Variants in CD101 observed in about 807,000 individuals in gnomAD.
CD101 encodes CD101 molecule.
A neutral mutation model predicts 98.2 loss-of-function variants in CD101; 76 were observed. That is an observed-to-expected ratio of 0.77 (90% CI 0.64 to 0.94). CD101 has a LOEUF of 0.94. Ranked by LOEUF, CD101 falls within the 40% of genes least tolerant of loss-of-function variation. The probability of loss-of-function intolerance (pLI) is 0.00; values close to 1 mark genes in which losing one functional copy is unlikely to be tolerated. For synonymous variants in CD101, 471 were observed against 472.7 expected (o/e 1.00, Z 0.05); for missense variants, 1,145 against 1,218.8 (o/e 0.94, Z 0.90).
chr1:117,027,366 A>G (rs1362835785), intron 8 of CD101, among the ~76,000 whole-genome samples: 1 of 152,246 alleles, frequency 6.6e-6, no homozygotes, highest in Non-Finnish European at 1.5e-5. Flanking sequence ...CAAGTCCAAC[A>G]TAACAGGTGT....
intron 8 of CD101, among the ~76,000 whole-genome samples, chr1:117,027,461 G>T (rs1164119187): frequency 6.6e-6 from 1 of 152,164 alleles, no homozygotes; most frequent in Non-Finnish European, 1.5e-5. Context: ...GATCTGGGAA[G>T]GTTCCCCAGA....
chr1:117,031,727 A>G (rs1284871712), intron 8 of CD101, among the ~76,000 whole-genome samples: 1 of 152,240 alleles, frequency 6.6e-6, no homozygotes, highest in African/African-American at 2.4e-5. Context: ...ATTATACATT[A>G]TCTCATCACA....
chr1:117,021,426 C>T lies in CD101; in HGVS notation c.2018-147C>T. 1 of 642,108 alleles carries T rather than the reference C, an allele frequency of 1.6e-6. No homozygotes were observed. The highest frequency in any genetic ancestry group is 2.6e-6 in the Non-Finnish European group (1 of 384,700). The allele number at this position is 642,108 out of a possible 1,614,324, so 39.8% of individuals were successfully genotyped here. A position where few individuals can be genotyped will look rare whatever the true frequency, so the allele number is the denominator to read the frequency against. The stretch of plus-strand genomic sequence containing the variant: ...GTCAGCTAGTGATGCTGTTCAAAAG[C>T]TGTATGAGCAGTGAGTGGGGCTACT... On this transcript the variant is annotated intron_variant, in intron 6 of 9. Transcript: ENST00000682167. The surrounding 1 kb of genome is among the most constrained non-coding windows in gnomAD (Gnocchi z 4.7).
intron 7 of CD101, among the ~76,000 whole-genome samples, chr1:117,024,760 C>T (rs888583107): frequency 2.6e-5 from 4 of 152,216 alleles, no homozygotes; most frequent in Non-Finnish European, 4.4e-5. Flanking sequence ...TCTCTCTCTG[C>T]GTTTACACCC....
rs1309214674 is a variant in CD101 at position 117,012,804 on chromosome 1, A to G, written c.842-602A>G. ...TCTCTATAGGCTTTTGTCCAACAGG[A>G]AGTGGTTGCTAAACCATATACTGTA... On this transcript the variant is annotated intron_variant, in intron 3 of 9. Coordinates refer to ENST00000682167, the MANE Select transcript of CD101 (RefSeq NM_001256106.3). This position sits in a 1 kb window ranked among gnomAD's most constrained non-coding sequence, Gnocchi z 4.0. Among the ~76,000 whole-genome samples, 1 of 152,132 alleles carries G rather than the reference A, an allele frequency of 6.6e-6. No individual in the cohort carries two copies. Among genetic ancestry groups the G allele is most frequent in the African/African-American group, 2.4e-5 (1 of 41,430 alleles).
At chr1:117,002,724 T>G (rs988305747) in intron 1 of CD101, among the ~76,000 whole-genome samples, 3 of 152,224 alleles carry the variant, frequency 2.0e-5, no homozygotes, top group Non-Finnish European at 2.9e-5. Flanking sequence ...TTTATTTGCT[T>G]CTTATTTATG....
chr1:117,030,687 G>A (rs1654404025), intron 8 of CD101, among the ~76,000 whole-genome samples: 1 of 152,242 alleles, frequency 6.6e-6, no homozygotes, highest in Non-Finnish European at 1.5e-5. Flanking sequence ...GGTTGAAACA[G>A]GATGCTGTCA....
At chr1:117,035,619 G>C (rs1654766283) in intron 9 of CD101, among the ~76,000 whole-genome samples, 1 of 151,392 alleles carries the variant, frequency 6.6e-6, no homozygotes, top group Non-Finnish European at 1.5e-5. Context: ...GTGTGACCTG[G>C]GCTCACTGCA....
intron 9 of CD101, among the ~76,000 whole-genome samples, chr1:117,034,779 G>A (rs753064671): frequency 8.5e-5 from 13 of 152,258 alleles, no homozygotes; most frequent in Non-Finnish European, 1.5e-4. Context: ...TTTTTATTAA[G>A]TAATTGCTGA....
At chr1:117,028,979 T>G (rs1382195835) in intron 8 of CD101, among the ~76,000 whole-genome samples, 1 of 151,716 alleles carries the variant, frequency 6.6e-6, no homozygotes, top group African/African-American at 2.4e-5. Context: ...TTTGCTGTTT[T>G]GGTTTGAAGA....
chr1:117,005,662 T>C lies in CD101; in HGVS notation c.43+3802T>C, dbSNP rs1432471121. 6.6e-6 allele frequency among the ~76,000 whole-genome samples: 1 copy of C among 152,204 alleles called. No homozygotes were observed. ...AATCTCTCCTTAGTCCTCTTCCTTC[T>C]GTTCCCCAATACTTCCCAACACTTG... On this transcript the variant is annotated intron_variant, in intron 1 of 9. Coordinates refer to ENST00000682167, the MANE Select transcript of CD101 (RefSeq NM_001256106.3). The surrounding 1 kb of genome is among the most constrained non-coding windows in gnomAD (Gnocchi z 4.4).
At position 117,013,263 on chromosome 1, in the gene CD101, G is replaced by C. The variant is rs992903955; in HGVS notation, c.842-143G>C. The C allele has an allele frequency of 6.4e-6, 6 of 937,928 alleles. No homozygotes were observed. The African/African-American group carries it at 6.6e-5, about 10-fold the overall frequency. The allele number at this position is 937,928 out of a possible 1,614,324, so 58.1% of individuals were successfully genotyped here. On this transcript the variant is annotated intron_variant, in intron 3 of 9. Coordinates refer to ENST00000682167, the MANE Select transcript of CD101 (RefSeq NM_001256106.3). ...TTACTCTAAGGATTTTGTTTTTTTTGGGTTTACCTACCGCTATAGAATTGA... is the reference window on the plus strand; with the variant it reads ...TTACTCTAAGGATTTTGTTTTTTTTCGGTTTACCTACCGCTATAGAATTGA...
intron 9 of CD101, 154 bp downstream of exon 9, chr1:117,034,288 C>T: frequency 1.5e-6 from 1 of 653,322 alleles, no homozygotes; most frequent in Non-Finnish European, 2.6e-6. Flanking sequence ...TCCTTTGTGT[C>T]TTACCTCATC....
intron 8 of CD101, 193 bp downstream of exon 8, chr1:117,026,097 A>T: frequency 1.8e-6 from 1 of 570,852 alleles, no homozygotes; most frequent in East Asian, 2.9e-5. Flanking sequence ...CAAGGTCCAC[A>T]TGAGATTTTG....
chr1:117,014,995 G>C (rs1378743075), intron 4 of CD101, among the ~76,000 whole-genome samples: 2 of 152,168 alleles, frequency 1.3e-5, no homozygotes, highest in African/African-American at 4.8e-5. Context: ...CATATCTGCA[G>C]GCTTTTGTAA....
At chr1:117,034,819 GTAC>G in intron 9 of CD101, among the ~76,000 whole-genome samples, 1 of 152,266 alleles carries the variant, frequency 6.6e-6, no homozygotes, top group Middle Eastern at 3.4e-3. Flanking sequence ...TCATGTAACA[GTAC>G]TCCAGTCAGC....
Position 117,021,875 on chromosome 1 carries a change from G to C in CD101, c.2320G>C (p.Gly774Arg). ...HILNVEDSDRGKYHCAVEEWL... is the reference protein window; with the variant it reads ...HILNVEDSDRRKYHCAVEEWL... ...TCTGAATGTGGAAGACAGCGATCGG[G>C]GCAAATATCACTGTGCTGTGGAGGA... is the stretch of plus-strand genomic sequence containing the variant. Residue 774 changes from glycine (G) to arginine (R), a missense_variant, in exon 7 of 10, where the codon GGC (glycine) becomes CGC (arginine). Physicochemically the swap from Gly to Arg is moderately radical, Grantham distance 125. Coordinates refer to ENST00000682167, the MANE Select transcript of CD101 (RefSeq NM_001256106.3). The surrounding 1 kb of genome is among the most constrained non-coding windows in gnomAD (Gnocchi z 4.7). 2 of 1,614,138 alleles carry C rather than the reference G, an allele frequency of 1.2e-6. No individual in the cohort carries two copies. The highest frequency in any genetic ancestry group is 1.3e-5 in the African/African-American group (1 of 75,026).
At position 117,022,857 on chromosome 1, in the gene CD101, G is replaced by C. The variant is rs1434152766; in HGVS notation, c.2428+874G>C. Reference sequence around the variant, plus strand: ...ACAACAAGGGCAGAACAGCAGCTTGGTTTGGGGTCTCTTCCTGCCCTCTGG... The same window carrying C: ...ACAACAAGGGCAGAACAGCAGCTTGCTTTGGGGTCTCTTCCTGCCCTCTGG... On this transcript the variant is annotated intron_variant, in intron 7 of 9. Coordinates refer to ENST00000682167, the MANE Select transcript of CD101 (RefSeq NM_001256106.3). This position sits in a 1 kb window ranked among gnomAD's most constrained non-coding sequence, Gnocchi z 4.8. Among the ~76,000 whole-genome samples the C allele has an allele frequency of 1.3e-5, 2 of 152,198 alleles. No homozygotes were observed. Among genetic ancestry groups the C allele is most frequent in the Non-Finnish European group, 1.5e-5 (1 of 68,040 alleles).
At chr1:117,030,926 T>C (rs2101164282) in intron 8 of CD101, among the ~76,000 whole-genome samples, 1 of 152,340 alleles carries the variant, frequency 6.6e-6, no homozygotes, top group East Asian at 1.9e-4. Flanking sequence ...GGAAGCACGT[T>C]CTAAACTAAG....
Sources: gnomAD v4.1 joint callset for allele counts (sites outside exome capture counted in the v4.1 genomes callset) on GRCh38, gnomAD v4.1.1 for gene constraint, Gnocchi (gnomAD v3.1) non-coding constraint, MANE v1.5 for transcripts, NCBI Gene and HGNC (gene_info 2026-07-23, HGNC 2026-07-21) for gene names.